The following MYO1C variants were observed in gnomAD, a reference collection of about 807,000 sequenced individuals.
The protein encoded by MYO1C is unconventional myosin-Ic.
MYO1C carries 104 observed loss-of-function variants against 150.8 expected under a neutral mutation model. The ratio of observed to expected loss-of-function variants is 0.69; its 90% CI spans 0.59 to 0.81. The LOEUF (loss-of-function observed/expected upper bound fraction) is 0.81, where lower values mean the gene tolerates loss of function less well. MYO1C is among the 30% of genes least tolerant of loss of function. MYO1C has a pLI of 0.00. For missense variants in MYO1C, 1,504 were observed against 1,435.0 expected (o/e 1.05, Z -0.78); for synonymous variants, 663 against 579.9 (o/e 1.14, Z -2.06).
intron 1 of MYO1C, chr17:1,486,930 C>T (rs969961733): frequency 6.6e-6 from 1 of 152,576 alleles, no homozygotes; most frequent in Admixed American, 6.5e-5. Flanking sequence ...GCGGGCACCA[C>T]CCTCCCTCGC....
intron 1 of MYO1C, 61 bp downstream of exon 1, chr17:1,492,352 G>A: frequency 6.6e-7 from 1 of 1,523,064 alleles, no homozygotes; most frequent in Non-Finnish European, 8.9e-7. Context: ...GCCTGAGAGG[G>A]GCTGCCCGGC....
Position 1,470,236 on chromosome 17 carries a change from C to G in MYO1C, c.2465G>C (p.Arg822Pro), listed in dbSNP as rs770091523. ...VRTSFLLNLRRQLPQNVLDTS... is the reference protein window; with the variant it reads ...VRTSFLLNLRPQLPQNVLDTS... ...GTCCAGGACATTCTGGGGCAGCTGC[C>G]GCCTCAGGTTTAGCAAAAAAGAGGT... is the stretch of plus-strand genomic sequence containing the variant. The change falls in exon 24 of 32, where the codon CGG becomes CCG. Residue 822 changes from arginine (R) to proline (P), a missense_variant. Arg to Pro is a moderately radical substitution (Grantham distance 103). Transcript: ENST00000648651. 2 of 1,610,258 alleles carry G rather than the reference C, an allele frequency of 1.2e-6. No homozygotes were observed. Among genetic ancestry groups the G allele is most frequent in the African/African-American group, 1.3e-5 (1 of 74,770 alleles).
intron 1 of MYO1C, chr17:1,485,555 T>A: frequency 1.6e-6 from 1 of 634,208 alleles, no homozygotes; most frequent in East Asian, 7.9e-5. Flanking sequence ...CTCGGCCTCC[T>A]CCCCCTGCAA....
chr17:1,481,079 C>A (rs2074510547), intron 5 of MYO1C, 194 bp from the exon 6 acceptor site: 1 of 611,170 alleles, frequency 1.6e-6, no homozygotes, highest in South Asian at 2.0e-5. Flanking sequence ...TGGGGAGATT[C>A]AACTCCAACG....
At chr17:1,481,096 C>G in intron 5 of MYO1C, 1 of 589,428 alleles carries the variant, frequency 1.7e-6, no homozygotes, top group Non-Finnish European at 3.0e-6. Flanking sequence ...AACGACCTGG[C>G]TGCTCCACCT....
At chr17:1,472,294 G>A (rs890426453) in intron 17 of MYO1C, 66 bp from the exon 18 acceptor site, 211 of 1,393,458 alleles carry the variant, frequency 1.5e-4, no homozygotes, top group Non-Finnish European at 2.0e-4. Context: ...CCAGCAGCGA[G>A]TACCCCACTC....
intron 25 of MYO1C, chr17:1,469,168 G>A: frequency 2.7e-6 from 1 of 367,668 alleles, no homozygotes; most frequent in Non-Finnish European, 5.3e-6. Flanking sequence ...GGTAAACAGA[G>A]TAGACCGGGG....
At chr17:1,473,373 G>A (rs1323435667) in intron 17 of MYO1C, among the ~76,000 whole-genome samples, 1 of 152,144 alleles carries the variant, frequency 6.6e-6, no homozygotes, top group Admixed American at 6.5e-5. Flanking sequence ...ACACGAGTCT[G>A]TGGCTTGCTG....
At chr17:1,469,730 C>A in intron 24 of MYO1C, 116 bp from the exon 25 acceptor site, 1 of 906,088 alleles carries the variant, frequency 1.1e-6, no homozygotes, top group South Asian at 1.4e-5. Flanking sequence ...TCTGGAGACG[C>A]TTCCGGTCAA....
Position 1,479,491 on chromosome 17 carries a change from C to T in MYO1C, c.1032G>A (p.Val344=). The part of the protein sequence containing the change: ...QLKYLTRLLS[V]EGSTLREALT... ...GGGCTTCTCGCAGCGTCGAGCCTTC[C>T]ACGCTGAGGAGCTGCCAAGGGCAGG... Residue 344 remains valine, a synonymous_variant, in exon 9 of 32, where the codon GTG becomes GTA. Coordinates refer to ENST00000648651, the MANE Select transcript of MYO1C (RefSeq NM_001080779.2). The surrounding 1 kb of genome is among the most constrained non-coding windows in gnomAD (Gnocchi z 4.2). 1 of 1,519,384 alleles carries T rather than the reference C, an allele frequency of 6.6e-7. No individual in the cohort carries two copies. Among genetic ancestry groups the T allele is most frequent in the Non-Finnish European group, 8.9e-7 (1 of 1,117,754 alleles). The allele number at this position is 1,519,384 out of a possible 1,614,324, so 94.1% of individuals were successfully genotyped here.
intron 17 of MYO1C, among the ~76,000 whole-genome samples, chr17:1,474,244 T>G (rs1598330040): frequency 6.6e-6 from 1 of 151,956 alleles, no homozygotes. Flanking sequence ...CAGGCCAACA[T>G]GGTGAAACCC....
Position 1,478,610 on chromosome 17 carries a change from C to A in MYO1C, c.1212+6G>T. ...GCCTTGGGAGCAGTGTGGACCGAGC[C>A]CTCACCTTGGAGGCCAGCGACCTGT... On this transcript the variant is annotated splice_donor_region_variant and intron_variant, in intron 10 of 31. Coordinates refer to ENST00000648651, the MANE Select transcript of MYO1C (RefSeq NM_001080779.2). This position sits in a 1 kb window ranked among gnomAD's most constrained non-coding sequence, Gnocchi z 6.3. 1 of 1,614,082 alleles carries A rather than the reference C, an allele frequency of 6.2e-7. No homozygotes were observed. The highest frequency in any genetic ancestry group is 8.5e-7 in the Non-Finnish European group (1 of 1,179,998).
chr17:1,472,284 C>T (rs1399830821), intron 17 of MYO1C, 56 bp from the exon 18 acceptor site: 1 of 1,495,108 alleles, frequency 6.7e-7, no homozygotes, highest in Non-Finnish European at 9.3e-7. Flanking sequence ...GCTGCTGACC[C>T]CAGCAGCGAG....
At chr17:1,477,425 G>T in intron 14 of MYO1C, 80 bp downstream of exon 14, 1 of 1,310,656 alleles carries the variant, frequency 7.6e-7, no homozygotes, top group Non-Finnish European at 1.1e-6. Context: ...GGTGTTTTGT[G>T]ATGGCGGAGG....
In MYO1C at chr17:1,474,917, A is replaced by G. The variant is rs1239341223; in HGVS notation, c.1669+21T>C. On this transcript the variant is annotated intron_variant, in intron 15 of 31. Coordinates refer to ENST00000648651, the MANE Select transcript of MYO1C (RefSeq NM_001080779.2). ...AGCCTCCCCGCAGGCCCCTGTGGGG[A>G]CACAGCCCCAGGATCCTCACCGGTC... is the stretch of plus-strand genomic sequence containing the variant. The G allele has an allele frequency of 3.7e-6, 6 of 1,610,040 alleles. No homozygotes were observed. The South Asian group carries it at 5.5e-5, about 15-fold the overall frequency.
In MYO1C at chr17:1,472,238, CA is replaced by C. The variant is rs1256946632; in HGVS notation, c.1798-11del. 2 of 1,613,352 alleles carry C rather than the reference CA, an allele frequency of 1.2e-6. No individual in the cohort carries two copies. Among genetic ancestry groups the C allele is most frequent in the African/African-American group, 2.7e-5 (2 of 74,912 alleles). ...TGAACTGGGTGGCGACCTGGCGAGCCAAGAGGCATGGGAGGTTGGCCGGAGC... is the reference window on the plus strand; with the variant it reads ...TGAACTGGGTGGCGACCTGGCGAGCCAGAGGCATGGGAGGTTGGCCGGAGC... On this transcript the variant is annotated splice_polypyrimidine_tract_variant and intron_variant, in intron 17 of 31. Transcript: ENST00000648651.
At chr17:1,470,042 C>G (rs1181504786) in intron 24 of MYO1C, 133 bp downstream of exon 24, 29 of 984,106 alleles carry the variant, frequency 2.9e-5, no homozygotes, top group Non-Finnish European at 3.8e-5. Context: ...AAAAAGAGAC[C>G]TTACTTTTCA....
chr17:1,467,584 G>A lies in MYO1C; in HGVS notation c.2968-7C>T. 1 of 1,612,308 alleles carries A rather than the reference G, an allele frequency of 6.2e-7. No individual in the cohort carries two copies. Among genetic ancestry groups the A allele is most frequent in the Non-Finnish European group, 8.5e-7 (1 of 1,179,836 alleles). On this transcript the variant is annotated splice_region_variant and splice_polypyrimidine_tract_variant and intron_variant, in intron 29 of 31. Transcript: ENST00000648651. ...TCTGCAGCACCACATCTCCCTGGGG[G>A]GCCAGGCAGGAGGAGGGGTCAGGCC...
chr17:1,489,260 T>A (rs2074703290), intron 1 of MYO1C, among the ~76,000 whole-genome samples: 1 of 152,206 alleles, frequency 6.6e-6, no homozygotes, highest in African/African-American at 2.4e-5. Context: ...GAGGAGATAG[T>A]GGCGACTTAG....
Sources: gnomAD v4.1 joint callset for allele counts (sites outside exome capture counted in the v4.1 genomes callset) on GRCh38, gnomAD v4.1.1 for gene constraint, Gnocchi (gnomAD v3.1) non-coding constraint, MANE v1.5 for transcripts, NCBI Gene and HGNC (gene_info 2026-07-23, HGNC 2026-07-21) for gene names.